SPG11: variants seen among roughly 807,000 people sequenced by gnomAD.
The protein encoded by SPG11 is spatacsin.
In SPG11, 222 loss-of-function variants were observed where a neutral mutation model predicts 274.0. The observed-to-expected ratio is 0.81, with a 90% CI of 0.73 to 0.91. SPG11 has a LOEUF of 0.91. SPG11 is among the 40% of genes least tolerant of loss of function. The probability of loss-of-function intolerance (pLI) is 0.00; values close to 1 mark genes in which losing one functional copy is unlikely to be tolerated. For missense variants in SPG11, 3,114 were observed against 2,872.7 expected (o/e 1.08, Z -1.92); for synonymous variants, 1,144 against 1,039.7 (o/e 1.10, Z -1.93).
At chr15:44,589,963 C>A (rs572490013) in intron 27 of SPG11, among the ~76,000 whole-genome samples, 4 of 152,252 alleles carry the variant, frequency 2.6e-5, no homozygotes, top group African/African-American at 9.6e-5. Flanking sequence ...CACGCCACCA[C>A]GCCTGGCTAA....
At chr15:44,612,184 C>T (rs2083477150) in intron 17 of SPG11, among the ~76,000 whole-genome samples, 1 of 152,096 alleles carries the variant, frequency 6.6e-6, no homozygotes. Context: ...TATATAAAAA[C>T]ATAGATGTTT....
chr15:44,633,768 A>C (rs2084154295), intron 7 of SPG11, 131 bp from the exon 8 acceptor site: 1 of 864,700 alleles, frequency 1.2e-6, no homozygotes, highest in Admixed American at 2.2e-5. Context: ...GCATGAGTAC[A>C]TGGGCTCCAG....
intron 15 of SPG11, among the ~76,000 whole-genome samples, chr15:44,619,493 A>C (rs1165812866): frequency 1.3e-5 from 2 of 152,150 alleles, no homozygotes; most frequent in Admixed American, 1.3e-4. Flanking sequence ...ATTATTTCTT[A>C]ATTCAGCAGT....
chr15:44,602,085 AGATTT>A (rs1186128166), intron 20 of SPG11, among the ~76,000 whole-genome samples: 1 of 152,210 alleles, frequency 6.6e-6, no homozygotes, highest in Non-Finnish European at 1.5e-5. Flanking sequence ...CAACTTTCTT[AGATTT>A]GTTTATTAGT....
chr15:44,615,602 T>C (rs1262147945), intron 15 of SPG11, 36 bp from the exon 16 acceptor site: 7 of 1,601,886 alleles, frequency 4.4e-6, no homozygotes, highest in Admixed American at 3.3e-5. Flanking sequence ...AGTTAAAAAG[T>C]TGCTATGTTC....
chr15:44,563,376 T>C, intron 39 of SPG11, 75 bp from the exon 40 acceptor site: 1 of 1,408,018 alleles, frequency 7.1e-7, no homozygotes, highest in South Asian at 1.2e-5. Context: ...TCTTACTCTG[T>C]TGCCCAGGCT....
Position 44,596,118 on chromosome 15 carries a change from C to T in SPG11, c.4399G>A (p.Ala1467Thr), listed in dbSNP as rs1337512885. The change falls in exon 25 of 40, where the codon GCC (alanine) becomes ACC (threonine). Residue 1467 changes from alanine to threonine, a missense_variant. By Grantham distance (58) the Ala-to-Thr change is moderately conservative. Coordinates refer to ENST00000261866, the MANE Select transcript of SPG11 (RefSeq NM_025137.4). ...WLLVEAVKQQ[A>T]PILSVLASCL... ...GAGGCCAGAACACTGAGGATAGGGG[C>T]CTGTTGTTTCACTGCTTCAACCAGA... The T allele has an allele frequency of 1.9e-6, 3 of 1,613,912 alleles. No individual in the cohort carries two copies. Among genetic ancestry groups the T allele is most frequent in the African/African-American group, 2.7e-5 (2 of 75,044 alleles).
chr15:44,603,321 C>G (rs899756260), intron 20 of SPG11, among the ~76,000 whole-genome samples: 2 of 152,128 alleles, frequency 1.3e-5, no homozygotes, highest in Non-Finnish European at 2.9e-5. Flanking sequence ...TTGAATTCCT[C>G]GCCTCAAGCA....
At chr15:44,577,359 T>C (rs189119850) in intron 30 of SPG11, among the ~76,000 whole-genome samples, 16 of 151,058 alleles carry the variant, frequency 1.1e-4, no homozygotes, top group South Asian at 2.1e-4. Flanking sequence ...AAAAATTAGC[T>C]GGGGATGGTA....
At chr15:44,609,924 A>T (rs2083417988) in intron 18 of SPG11, among the ~76,000 whole-genome samples, 1 of 120,460 alleles carries the variant, frequency 8.3e-6, no homozygotes, top group South Asian at 2.6e-4. Context: ...TTTTTTTGAG[A>T]CGGAGTCTTG....
chr15:44,651,958 A>G lies in SPG11; in HGVS notation c.1008-19T>C, dbSNP rs1431187254. The G allele has an allele frequency of 1.2e-6, 2 of 1,604,920 alleles. No homozygotes were observed. The highest frequency in any genetic ancestry group is 1.7e-4 in the Middle Eastern group (1 of 6,020). On this transcript the variant is annotated intron_variant, in intron 5 of 39. Coordinates refer to ENST00000261866, the MANE Select transcript of SPG11 (RefSeq NM_025137.4). ...CCAAGACCTGGAAACAAGGTAAAAT[A>G]TAACTTAACACCTGTCACAGTAAAA...
At chr15:44,585,888 T>TA in intron 28 of SPG11, 38 bp from the exon 29 acceptor site, 6 of 1,561,696 alleles carry the variant, frequency 3.8e-6, no homozygotes, top group Non-Finnish European at 5.3e-6. Context: ...ATTTAGTCAA[T>TA]AAAATGCCAC....
Position 44,570,580 on chromosome 15 carries a change from G to T in SPG11, c.6422C>A (p.Ala2141Asp), listed in dbSNP as rs1438500886. 1 of 1,614,152 alleles carries T rather than the reference G, an allele frequency of 6.2e-7. No homozygotes were observed. Among genetic ancestry groups the T allele is most frequent in the African/African-American group, 1.3e-5 (1 of 75,052 alleles). Reference protein sequence around the residue: ...HMEGIIRVLQAAHMLTDNHLA... With the variant: ...HMEGIIRVLQDAHMLTDNHLA... ...GTGGTTATCTGTGAGCATGTGGGCG[G>T]CCTGTAGGACTCGGATGATGCCCTC... The change falls in exon 34 of 40, where the codon GCC becomes GAC. Residue 2141 changes from alanine (A) to aspartate (D), a missense_variant. By Grantham distance (126) the Ala-to-Asp change is moderately radical (BLOSUM62 -2). Coordinates refer to ENST00000261866, the MANE Select transcript of SPG11 (RefSeq NM_025137.4).
Position 44,584,484 on chromosome 15 carries a change from T to G in SPG11, c.5196A>C (p.Lys1732Asn). The change falls in exon 30 of 40, where the codon AAA (lysine) becomes AAC (asparagine). Residue 1732 changes from lysine (K) to asparagine (N), a missense_variant. Transcript: ENST00000261866. ...TTTTCTTAAAATTCTCATGGCATTT[T>G]TTCCAGAAGTCAATTCTTGCTTGTT... is the stretch of plus-strand genomic sequence containing the variant. ...SLKQARIDFWKKCHENFKKNS... is the reference protein window; with the variant it reads ...SLKQARIDFWNKCHENFKKNS... 6.2e-7 allele frequency: 1 copy of G among 1,614,206 alleles called. No individual in the cohort carries two copies. The highest frequency in any genetic ancestry group is 8.5e-7 in the Non-Finnish European group (1 of 1,180,048).
rs1814271710 is a variant in SPG11, at chr15:44,608,614, A to AC, written c.3292-10_3292-9insG. 6.2e-7 allele frequency: 1 copy of AC among 1,613,160 alleles called. No individual in the cohort carries two copies. Among genetic ancestry groups the AC allele is most frequent in the African/African-American group, 1.3e-5 (1 of 74,906 alleles). ...TCTTCATTCTGAACAACCTAAGTAA[A>AC]AAAACAGATAACAGGTTGGACAGTA... is the stretch of plus-strand genomic sequence containing the variant. On this transcript the variant is annotated splice_polypyrimidine_tract_variant and intron_variant, in intron 18 of 39. Coordinates refer to ENST00000261866, the MANE Select transcript of SPG11 (RefSeq NM_025137.4).
chr15:44,584,570 A>C lies in SPG11; in HGVS notation c.5122-12T>G, dbSNP rs1423860998. The C allele has an allele frequency of 1.2e-6, 2 of 1,605,754 alleles. No homozygotes were observed. Among genetic ancestry groups the C allele is most frequent in the African/African-American group, 2.7e-5 (2 of 74,932 alleles). ...ATTTCCTGTGTTATCTGTGAAATTTAACAAAGCAGATTTTAGCCTTTCTTG... is the reference window on the plus strand; with the variant it reads ...ATTTCCTGTGTTATCTGTGAAATTTCACAAAGCAGATTTTAGCCTTTCTTG... On this transcript the variant is annotated splice_polypyrimidine_tract_variant and intron_variant, in intron 29 of 39. Coordinates refer to ENST00000261866, the MANE Select transcript of SPG11 (RefSeq NM_025137.4).
chr15:44,633,737 G>C, intron 7 of SPG11, 100 bp from the exon 8 acceptor site: 2 of 1,290,012 alleles, frequency 1.6e-6, no homozygotes, highest in South Asian at 2.6e-5. Context: ...AATGTGGTGA[G>C]ACTACAGGAG....
chr15:44,651,038 G>A (rs1161716018), intron 6 of SPG11, among the ~76,000 whole-genome samples: 5 of 152,112 alleles, frequency 3.3e-5, no homozygotes, highest in African/African-American at 7.2e-5. Context: ...GTGAGCCACC[G>A]CACCCGGCAG....
At chr15:44,619,986 G>A in intron 15 of SPG11, 1 of 538,370 alleles carries the variant, frequency 1.9e-6, no homozygotes, top group Non-Finnish European at 3.3e-6. Context: ...AAAGTGCTGA[G>A]ATTACAGGCA....
Sources: allele counts gnomAD v4.1 joint callset (sites outside exome capture counted in the v4.1 genomes callset), GRCh38; gene constraint gnomAD v4.1.1; transcripts MANE v1.5; gene names NCBI Gene and HGNC (gene_info 2026-07-23, HGNC 2026-07-21).